The following CNNM2 variants were observed in gnomAD, a reference collection of about 807,000 sequenced individuals.
CNNM2 encodes the protein metal transporter CNNM2.
In CNNM2, 12 loss-of-function variants were observed where a neutral mutation model predicts 66.9. The ratio of observed to expected loss-of-function variants is 0.18; its 90% CI spans 0.11 to 0.29. The LOEUF is 0.29. CNNM2 is among the 10% of genes least tolerant of loss of function. The probability of loss-of-function intolerance (pLI) is 1.00; values close to 1 mark genes in which losing one functional copy is unlikely to be tolerated. For missense variants in CNNM2, 705 were observed against 1,167.7 expected (o/e 0.60, Z 5.77); for synonymous variants, 557 against 501.8 (o/e 1.11, Z -1.47).
Position 103,054,592 on chromosome 10 carries a change from G to GTTTTGTTTT in CNNM2, c.1903+139_1903+147dup. The GTTTTGTTTT allele has an allele frequency of 1.2e-6, 1 of 832,126 alleles. No individual in the cohort carries two copies. Among genetic ancestry groups the GTTTTGTTTT allele is most frequent in the Non-Finnish European group, 1.7e-6 (1 of 587,450 alleles). 51.5% of individuals were successfully genotyped at this position (832,126 alleles called of 1,614,324 possible). Reference sequence around the variant, plus strand: ...GGGTGATAAGTAATGCCACTTTTGTGTTTTGTTTTTTTTGTTTTTTTGTTT... The same window carrying GTTTTGTTTT: ...GGGTGATAAGTAATGCCACTTTTGTGTTTTGTTTTTTTTGTTTTTTTTGTTTTTTTGTTT... On this transcript the variant is annotated intron_variant, in intron 3 of 7. Coordinates refer to ENST00000369878, the MANE Select transcript of CNNM2 (RefSeq NM_017649.5). The surrounding 1 kb of genome is among the most constrained non-coding windows in gnomAD (Gnocchi z 5.2).
In CNNM2 at chr10:103,080,332, T is replaced by C. The variant is rs568626993; in HGVS notation, c.*3152T>C. On this transcript the variant is annotated 3_prime_UTR_variant, in exon 8 of 8. Coordinates refer to ENST00000369878, the MANE Select transcript of CNNM2 (RefSeq NM_017649.5). ...CTGCTCTGTAAATGAGGAGGGCTTT[T>C]CTCCTGCTGTTTGGAGGTTCCGTCC... The C allele has an allele frequency of 6.6e-6, 1 of 152,334 alleles. No individual in the cohort carries two copies. Among genetic ancestry groups the C allele is most frequent in the Admixed American group, 6.5e-5 (1 of 15,298 alleles). The allele number at this position is 152,334 out of a possible 1,614,324, so 9.4% of individuals were successfully genotyped here.
chr10:103,008,311 A>G (rs1035895871), intron 1 of CNNM2, among the ~76,000 whole-genome samples: 1 of 152,158 alleles, frequency 6.6e-6, no homozygotes, highest in Admixed American at 6.6e-5. Flanking sequence ...CTTTCCTCAA[A>G]CATTAAGAAT....
Position 102,918,590 on chromosome 10 carries a change from G to A in CNNM2, c.110G>A (p.Gly37Asp). ...MAARRSLSARGRGILQAAAGR... is the reference protein window; with the variant it reads ...MAARRSLSARDRGILQAAAGR... ...GCGCGCCGCAGCCTCAGCGCTCGCG[G>A]CCGGGGGATCCTGCAGGCGGCTGCG... Residue 37 changes from glycine (G) to aspartate (D), a missense_variant, in exon 1 of 8, where the codon GGC becomes GAC. Physicochemically the swap from Gly to Asp is moderately conservative, Grantham distance 94. This residue lies in a region of CNNM2 where 98 missense variants were observed against 73.6 expected (regional missense o/e 1.33). Transcript: ENST00000369878. The surrounding 1 kb of genome is among the most constrained non-coding windows in gnomAD (Gnocchi z 4.1). The A allele has an allele frequency of 6.4e-7, 1 of 1,568,810 alleles. No individual in the cohort carries two copies. Among genetic ancestry groups the A allele is most frequent in the Non-Finnish European group, 8.6e-7 (1 of 1,160,986 alleles).
chr10:102,941,430 A>G lies in CNNM2; in HGVS notation c.1621+21329A>G, dbSNP rs7917295. On this transcript the variant is annotated intron_variant, in intron 1 of 7. Transcript: ENST00000369878. ...GTTGATATTGTCTTTTAACAAGTCA[A>G]AATAGCCAGCATAAAAAAAAATGAT... Among the ~76,000 whole-genome samples the G allele has an allele frequency of 0.31, 47,604 of 151,916 alleles. 7,548 individuals are homozygous for G. Among genetic ancestry groups the G allele is most frequent in the Middle Eastern group, 0.37 (109 of 294 alleles).
intron 1 of CNNM2, among the ~76,000 whole-genome samples, chr10:102,980,466 C>T (rs1038227711): frequency 6.6e-5 from 10 of 151,900 alleles, no homozygotes; most frequent in South Asian, 6.2e-4. Context: ...GACAGGGTCT[C>T]GCCATGTTAT....
chr10:102,934,426 G>A (rs561561737), intron 1 of CNNM2, among the ~76,000 whole-genome samples: 8 of 151,468 alleles, frequency 5.3e-5, no homozygotes, highest in East Asian at 2.0e-4. Flanking sequence ...GACTACAGGC[G>A]CCTGCCACCA....
intron 1 of CNNM2, among the ~76,000 whole-genome samples, chr10:103,034,669 T>C (rs987685964): frequency 2.6e-5 from 4 of 152,156 alleles, no homozygotes; most frequent in African/African-American, 4.8e-5. Context: ...TAAAACCTTA[T>C]AATGGAACAG....
rs1186561642 is a variant in CNNM2 at position 103,068,740 on chromosome 10, C to T, written c.2167+18C>T. ...CTCTCCAGGTATGTTTGGTTCCCAG[C>T]CGCATAGGGCAGGACCACGTGTTAG... On this transcript the variant is annotated intron_variant, in intron 5 of 7. Coordinates refer to ENST00000369878, the MANE Select transcript of CNNM2 (RefSeq NM_017649.5). The T allele has an allele frequency of 2.5e-6, 4 of 1,593,992 alleles. No homozygotes were observed. Among genetic ancestry groups the T allele is most frequent in the South Asian group, 1.1e-5 (1 of 89,112 alleles).
intron 1 of CNNM2, chr10:102,921,185 C>T (rs1435330204): frequency 1.8e-5 from 6 of 333,928 alleles, no homozygotes; most frequent in Non-Finnish European, 2.6e-5. Context: ...ATTTGAAAAC[C>T]AAGGGATGCT....
intron 1 of CNNM2, among the ~76,000 whole-genome samples, chr10:103,028,829 T>TTTTTTTTTTTTTTTC (rs2064764044): frequency 1.0e-4 from 2 of 19,884 alleles, no homozygotes; most frequent in Non-Finnish European, 2.2e-4. Context: ...TTTTTTTTTC[T>TTTTTTTTTTTTTTTC]TTTTTTTTTT....
chr10:103,065,368 C>T (rs1009186829), intron 4 of CNNM2, among the ~76,000 whole-genome samples: 6 of 152,178 alleles, frequency 3.9e-5, no homozygotes, highest in African/African-American at 1.2e-4. Flanking sequence ...GAGCCAGAGT[C>T]GGTAATCTGG....
At chr10:102,965,811 G>C (rs966270968) in intron 1 of CNNM2, among the ~76,000 whole-genome samples, 1 of 152,126 alleles carries the variant, frequency 6.6e-6, no homozygotes, top group Non-Finnish European at 1.5e-5. Flanking sequence ...TTAAGAAGTA[G>C]CACAAGCTAA....
intron 1 of CNNM2, among the ~76,000 whole-genome samples, chr10:103,034,660 A>C (rs914046800): frequency 6.6e-6 from 1 of 152,226 alleles, no homozygotes; most frequent in African/African-American, 2.4e-5. Context: ...TCTAAAAACT[A>C]AAACCTTATA....
chr10:102,958,848 T>C (rs1224319158), intron 1 of CNNM2, among the ~76,000 whole-genome samples: 2 of 152,124 alleles, frequency 1.3e-5, no homozygotes, highest in Non-Finnish European at 2.9e-5. Context: ...TAAAAAACCC[T>C]CTTTTAAATG....
chr10:102,962,076 T>G (rs989407892), intron 1 of CNNM2, among the ~76,000 whole-genome samples: 6 of 151,702 alleles, frequency 4.0e-5, no homozygotes, highest in Non-Finnish European at 8.8e-5. Flanking sequence ...TGTAACAAAT[T>G]AGCAAAAAAA....
At chr10:103,036,464 T>A (rs781605131) in intron 1 of CNNM2, among the ~76,000 whole-genome samples, 4 of 152,194 alleles carry the variant, frequency 2.6e-5, no homozygotes, top group Non-Finnish European at 5.9e-5. Flanking sequence ...GCACCTAGAT[T>A]AGTGTTTAAT....
At chr10:103,010,477 G>A (rs1008509791) in intron 1 of CNNM2, among the ~76,000 whole-genome samples, 1 of 151,960 alleles carries the variant, frequency 6.6e-6, no homozygotes, top group African/African-American at 2.4e-5. Context: ...CAATCCACCT[G>A]CCTTGGCTTC....
At position 103,081,962 on chromosome 10, in the gene CNNM2, G is replaced by A. The variant is rs1235516548; in HGVS notation, c.*4782G>A. On this transcript the variant is annotated 3_prime_UTR_variant, in exon 8 of 8. Transcript: ENST00000369878. ...GTTCTCTCTGTATGCTAGAGCTACT[G>A]ACATCATCTCTACTAGAATTGTTTT... 1 of 152,188 alleles carries A rather than the reference G, an allele frequency of 6.6e-6. No homozygotes were observed. Among genetic ancestry groups the A allele is most frequent in the African/African-American group, 2.4e-5 (1 of 41,448 alleles). The allele number at this position is 152,188 out of a possible 1,614,324, so 9.4% of individuals were successfully genotyped here. A position where few individuals can be genotyped will look rare whatever the true frequency, so the allele number is the denominator to read the frequency against.
chr10:103,066,430 C>T (rs531596399), intron 4 of CNNM2, among the ~76,000 whole-genome samples: 68 of 152,260 alleles, frequency 4.5e-4, no homozygotes, highest in African/African-American at 1.4e-3. Context: ...GCTTCTCTAC[C>T]GCACTCCCTC....
Sources: gnomAD v4.1 joint callset for allele counts (sites outside exome capture counted in the v4.1 genomes callset) on GRCh38, gnomAD v4.1.1 for gene constraint, gnomAD v4.1.1 regional missense constraint, Gnocchi (gnomAD v3.1) non-coding constraint, MANE v1.5 for transcripts, NCBI Gene and HGNC (gene_info 2026-07-23, HGNC 2026-07-21) for gene names.